Variants in COMMD6 observed in about 807,000 individuals in gnomAD.
The protein encoded by COMMD6 is COMM domain containing 6, also known as COMM domain-containing protein 6.
Under a neutral mutation model 13.4 loss-of-function variants are expected in COMMD6, and 11 were observed. The observed-to-expected ratio is 0.82, with a 90% confidence interval of 0.52 to 1.36. The LOEUF is 1.36. Ranked by LOEUF, COMMD6 falls within the 40% of genes most tolerant of loss-of-function variation. The pLI is 0.00. For synonymous variants in COMMD6, 43 were observed against 36.5 expected (o/e 1.18, Z -0.64); for missense variants, 124 against 102.4 (o/e 1.21, Z -0.91).
upstream of COMMD6, among the ~76,000 whole-genome samples, chr13:75,542,382 T>G (rs552742922): frequency 6.6e-6 from 1 of 151,670 alleles, no homozygotes; most frequent in South Asian, 2.1e-4. Context: ...TTCTGCCTCC[T>G]GAGCTTAAGT....
At chr13:75,544,937 A>AAAAAC (rs2030883324) in intron 1 of COMMD6, among the ~76,000 whole-genome samples, 1 of 150,904 alleles carries the variant, frequency 6.6e-6, no homozygotes, top group Non-Finnish European at 1.5e-5. Context: ...AAAAAAAAAA[A>AAAAAC]AAAAACAAAA....
chr13:75,533,413 C>T (rs2030556338), intron 2 of COMMD6, among the ~76,000 whole-genome samples: 1 of 151,594 alleles, frequency 6.6e-6, no homozygotes, highest in Admixed American at 6.6e-5. Context: ...TACAAAAGTA[C>T]AAAAAGTAGC....
At chr13:75,530,414 G>A (rs1300906119) in intron 2 of COMMD6, 148 bp from the exon 3 acceptor site, 1 of 531,614 alleles carries the variant, frequency 1.9e-6, no homozygotes, top group African/African-American at 1.9e-5. Flanking sequence ...TACTGCTAGA[G>A]GAACAATAAT....
At chr13:75,538,007 A>C, upstream of COMMD6, 1 of 476,392 alleles carries the variant, frequency 2.1e-6, no homozygotes, top group South Asian at 4.5e-5. Flanking sequence ...AAATTATTTT[A>C]TGGAAAAAGG....
chr13:75,541,500 G>A (rs147204684), upstream of COMMD6, among the ~76,000 whole-genome samples: 18 of 152,132 alleles, frequency 1.2e-4, no homozygotes, highest in African/African-American at 4.3e-4. Flanking sequence ...CAAGGAGAAA[G>A]AGGAAGCTGC....
chr13:75,527,961 T>C lies in COMMD6; in HGVS notation c.208-1322A>G, dbSNP rs559415687. 1.2e-4 allele frequency: 149 copies of C among 1,263,570 alleles called. 1 individual carries two copies. The South Asian group carries it at 3.7e-3, about 31-fold the overall frequency. 78.3% of individuals were successfully genotyped at this position (1,263,570 alleles called of 1,614,324 possible). A position where few individuals can be genotyped will look rare whatever the true frequency, so the allele number is the denominator to read the frequency against. Reference sequence around the variant, plus strand: ...GGTGACTACAGTAATATTGTTATTGTTTACTTGAAATTTGCTAAAAAACAT... The same window carrying C: ...GGTGACTACAGTAATATTGTTATTGCTTACTTGAAATTTGCTAAAAAACAT... On this transcript the variant is annotated intron_variant, in intron 3 of 3. Transcript: ENST00000682242.
intron 1 of COMMD6, among the ~76,000 whole-genome samples, chr13:75,544,968 A>AGT (rs1184827399): frequency 1.3e-5 from 2 of 151,336 alleles, no homozygotes; most frequent in Non-Finnish European, 2.9e-5. Flanking sequence ...AAGTAGGTAA[A>AGT]GTGCCTGGTT....
intron 1 of COMMD6, among the ~76,000 whole-genome samples, chr13:75,543,839 T>C (rs1593963126): frequency 6.6e-6 from 1 of 152,232 alleles, no homozygotes; most frequent in South Asian, 2.1e-4. Context: ...CAAAGAAGCC[T>C]ATAGGTTATG....
chr13:75,532,338 G>T (rs2030508812), intron 2 of COMMD6, among the ~76,000 whole-genome samples: 1 of 152,206 alleles, frequency 6.6e-6, no homozygotes, highest in Non-Finnish European at 1.5e-5. Context: ...AGAGTTTATT[G>T]TAGCCTAGGG....
At chr13:75,546,939 A>G (rs76752172) in intron 1 of COMMD6, among the ~76,000 whole-genome samples, 3,380 of 152,114 alleles carry the variant, frequency 0.022, 43 homozygotes, top group Non-Finnish European at 0.027. Flanking sequence ...CTGTGGTCAC[A>G]ATATTTTCAT....
chr13:75,545,301 A>G (rs2030889746), intron 1 of COMMD6, among the ~76,000 whole-genome samples: 1 of 152,222 alleles, frequency 6.6e-6, no homozygotes, highest in Non-Finnish European at 1.5e-5. Context: ...AGGGGCAGTT[A>G]GGTGGGGCCT....
chr13:75,532,337 T>C (rs1264989715), intron 2 of COMMD6, among the ~76,000 whole-genome samples: 2 of 152,224 alleles, frequency 1.3e-5, no homozygotes, highest in Non-Finnish European at 2.9e-5. Flanking sequence ...AAGAGTTTAT[T>C]GTAGCCTAGG....
At chr13:75,545,153 C>G (rs1372394696) in intron 1 of COMMD6, among the ~76,000 whole-genome samples, 1 of 152,148 alleles carries the variant, frequency 6.6e-6, no homozygotes, top group Non-Finnish European at 1.5e-5. Flanking sequence ...ATGATGGGTA[C>G]AAACCCATGC....
At chr13:75,526,824 A>G (rs1207300995) in intron 3 of COMMD6, among the ~76,000 whole-genome samples, 185 bp from the exon 4 acceptor site, 1 of 152,204 alleles carries the variant, frequency 6.6e-6, no homozygotes, top group Non-Finnish European at 1.5e-5. Flanking sequence ...CAAAAATACT[A>G]CTGTGGGGTT....
chr13:75,529,368 T>G (rs1278862633), intron 3 of COMMD6, among the ~76,000 whole-genome samples: 1 of 151,174 alleles, frequency 6.6e-6, no homozygotes, highest in Non-Finnish European at 1.5e-5. Context: ...AAAATACAAA[T>G]AAATTAGCCA....
In COMMD6 at chr13:75,530,244, AG is replaced by A; in HGVS notation, c.76del (p.Leu26TrpfsTer5). On this transcript the variant is annotated frameshift_variant, in exon 3 of 4. Transcript: ENST00000682242. LOFTEE classifies it high-confidence loss of function. ...TNQLVDFQWK[L>X]GMAVSSDTCR... ...AGTGTCTGAGCTCACAGCCATACCCAGTTTCCACTGAAAATCTACAAGCTTT... is the reference window on the plus strand; with the variant it reads ...AGTGTCTGAGCTCACAGCCATACCCATTTCCACTGAAAATCTACAAGCTTT... 6.2e-7 allele frequency: 1 copy of A among 1,609,868 alleles called. No homozygotes were observed. The highest frequency in any genetic ancestry group is 8.5e-7 in the Non-Finnish European group (1 of 1,178,396).
rs773592301 is a variant in COMMD6 at position 75,537,766 on chromosome 13, C to G, written c.40G>C (p.Asp14His). 23 of 1,613,408 alleles carry G rather than the reference C, an allele frequency of 1.4e-5. No individual in the cohort carries two copies. Among genetic ancestry groups the G allele is most frequent in the Non-Finnish European group, 1.4e-5 (16 of 1,179,656 alleles). ...SSEPPLDAKSDVTNQLVDFQW... is the reference protein window; with the variant it reads ...SSEPPLDAKSHVTNQLVDFQW... ...TCTCCTTCCAGGTTGGAACTCACAT[C>G]GGACTTAGCATCCAGCGGCGGCTCG... Residue 14 changes from aspartate to histidine, a missense_variant and splice_region_variant, in exon 1 of 4, where the codon GAT becomes CAT. Transcript: ENST00000682242.
At chr13:75,541,161 T>A (rs547773484), upstream of COMMD6, among the ~76,000 whole-genome samples, 4 of 152,176 alleles carry the variant, frequency 2.6e-5, no homozygotes, top group African/African-American at 7.2e-5. Context: ...TGGTTGGTTT[T>A]AAAAAAAATC....
chr13:75,530,165 A>C lies in COMMD6; in HGVS notation c.156T>G (p.His52Gln), dbSNP rs755103130. 4.3e-6 allele frequency: 7 copies of C among 1,613,732 alleles called. No individual in the cohort carries two copies. The South Asian group carries it at 6.6e-5, about 15-fold the overall frequency. The part of the protein sequence containing the change: ...YVAVMLKVAD[H>Q]SGQVKTKCFE... ...AGCACTTGGTCTTTACTTGGCCTGA[A>C]TGATCTGCCACTTTTAGCATCACTG... is the stretch of plus-strand genomic sequence containing the variant. The change falls in exon 3 of 4, where the codon CAT becomes CAG. Residue 52 changes from histidine to glutamine, a missense_variant. Physicochemically the swap from His to Gln is conservative, Grantham distance 24. Transcript: ENST00000682242.
Sources: gnomAD v4.1 joint callset for allele counts (sites outside exome capture counted in the v4.1 genomes callset) on GRCh38, gnomAD v4.1.1 for gene constraint, MANE v1.5 for transcripts, NCBI Gene and HGNC (gene_info 2026-07-23, HGNC 2026-07-21) for gene names.